The following EYS variants were observed in gnomAD, a reference collection of about 807,000 sequenced individuals.
EYS encodes EGF-like photoreceptor maintenance factor, also known as protein eyes shut homolog.
In EYS, 250 loss-of-function variants were observed where a neutral mutation model predicts 282.1. The ratio of observed to expected loss-of-function variants is 0.89; its 90% CI spans 0.80 to 0.98. The LOEUF is 0.98. Among genes scored for constraint, EYS ranks in the 50% least tolerant of loss-of-function variants. EYS has a pLI of 0.00. For missense variants in EYS, 4,016 were observed against 3,709.0 expected (o/e 1.08, Z -2.15); for synonymous variants, 1,355 against 1,282.9 (o/e 1.06, Z -1.20).
At chr6:63,929,996 A>G (rs1230130441) in intron 35 of EYS, among the ~76,000 whole-genome samples, 2 of 152,118 alleles carry the variant, frequency 1.3e-5, no homozygotes, top group African/African-American at 4.8e-5. Context: ...TATTTACTCA[A>G]TATCTCTTGA....
intron 41 of EYS, among the ~76,000 whole-genome samples, chr6:63,739,408 G>T (rs998289584): frequency 1.3e-5 from 2 of 152,084 alleles, no homozygotes; most frequent in African/African-American, 4.8e-5. Context: ...AAGTGGCCAG[G>T]TCTTTGGAGC....
chr6:64,995,443 T>C (rs1316596687), intron 14 of EYS, among the ~76,000 whole-genome samples: 1 of 152,120 alleles, frequency 6.6e-6, no homozygotes, highest in African/African-American at 2.4e-5. Context: ...TCTTATACAT[T>C]ATCAAACCTG....
chr6:64,204,401 A>C (rs1458004270), intron 31 of EYS, among the ~76,000 whole-genome samples: 1 of 152,172 alleles, frequency 6.6e-6, no homozygotes, highest in Non-Finnish European at 1.5e-5. Flanking sequence ...TCCCCAAAAG[A>C]CTTTTCCAGA....
chr6:64,262,360 G>A (rs935567521), intron 30 of EYS, among the ~76,000 whole-genome samples: 2 of 150,870 alleles, frequency 1.3e-5, no homozygotes, highest in East Asian at 1.9e-4. Context: ...ATTATTTTTT[G>A]TAATTTGCAA....
At chr6:64,483,316 T>A (rs1776490833) in intron 26 of EYS, among the ~76,000 whole-genome samples, 1 of 151,698 alleles carries the variant, frequency 6.6e-6, no homozygotes, top group South Asian at 2.1e-4. Context: ...AGTAAAACAC[T>A]TAAACCCTAT....
At chr6:65,260,094 G>A (rs1199339758) in intron 12 of EYS, among the ~76,000 whole-genome samples, 1 of 152,064 alleles carries the variant, frequency 6.6e-6, no homozygotes, top group Non-Finnish European at 1.5e-5. Flanking sequence ...AATCTTGGTG[G>A]AAGGCGAAGG....
At chr6:64,731,324 C>T (rs937573987) in intron 22 of EYS, among the ~76,000 whole-genome samples, 30 of 151,726 alleles carry the variant, frequency 2.0e-4, no homozygotes, top group African/African-American at 7.3e-4. Context: ...AAAACAAAAC[C>T]AAAAACAAAC....
At chr6:63,810,828 T>C (rs1771028776) in intron 36 of EYS, among the ~76,000 whole-genome samples, 1 of 152,198 alleles carries the variant, frequency 6.6e-6, no homozygotes, top group South Asian at 2.1e-4. Flanking sequence ...TCCTCAAACA[T>C]CTAATATTTA....
At chr6:65,667,217 A>G (rs1437979147) in intron 1 of EYS, among the ~76,000 whole-genome samples, 2 of 151,818 alleles carry the variant, frequency 1.3e-5, no homozygotes, top group African/African-American at 4.8e-5. Flanking sequence ...ATTTTTGTAA[A>G]ACATGAAACT....
intron 12 of EYS, among the ~76,000 whole-genome samples, chr6:65,083,086 T>C (rs532831541): frequency 6.6e-6 from 1 of 152,030 alleles, no homozygotes; most frequent in African/African-American, 2.4e-5. Flanking sequence ...TTGTTTAGAG[T>C]AGTTTCCCTC....
chr6:65,186,795 T>A (rs570156129), intron 12 of EYS, among the ~76,000 whole-genome samples: 1 of 151,868 alleles, frequency 6.6e-6, no homozygotes, highest in African/African-American at 2.4e-5. Context: ...TGAAGACATT[T>A]AAATGGAAGT....
intron 26 of EYS, among the ~76,000 whole-genome samples, chr6:64,535,903 T>C (rs951372326): frequency 6.6e-6 from 1 of 152,170 alleles, no homozygotes; most frequent in African/African-American, 2.4e-5. Flanking sequence ...AGAACATTGA[T>C]ATAAAATATC....
chr6:63,776,625 T>G (rs1406020924), intron 40 of EYS, among the ~76,000 whole-genome samples: 1 of 152,208 alleles, frequency 6.6e-6, no homozygotes, highest in Non-Finnish European at 1.5e-5. Flanking sequence ...TCAATAAAAT[T>G]TCTATATTAA....
At chr6:64,630,909 C>G (rs1202003500) in intron 22 of EYS, among the ~76,000 whole-genome samples, 1 of 152,156 alleles carries the variant, frequency 6.6e-6, no homozygotes, top group African/African-American at 2.4e-5. Flanking sequence ...AATTGTGCTA[C>G]TTATATTGGT....
chr6:65,496,027 C>T (rs555039683), intron 2 of EYS, 34 bp from the exon 3 acceptor site: 2 of 152,362 alleles, frequency 1.3e-5, no homozygotes, highest in Non-Finnish European at 2.9e-5. Flanking sequence ...ACCATTTAAA[C>T]ATATTTTTCA....
At chr6:64,391,992 C>A (rs1300258103) in intron 28 of EYS, among the ~76,000 whole-genome samples, 4 of 151,710 alleles carry the variant, frequency 2.6e-5, no homozygotes, top group African/African-American at 9.7e-5. Flanking sequence ...TCTGATAAAA[C>A]AGACTTTAAA....
intron 36 of EYS, among the ~76,000 whole-genome samples, chr6:63,833,182 C>T (rs754312512): frequency 7.9e-5 from 12 of 152,126 alleles, no homozygotes; most frequent in Non-Finnish European, 1.6e-4. Flanking sequence ...TCTCTCACCA[C>T]TCCTATTCAA....
chr6:64,552,946 A>G (rs1371500880), intron 26 of EYS, among the ~76,000 whole-genome samples: 2 of 140,018 alleles, frequency 1.4e-5, no homozygotes, highest in Non-Finnish European at 1.6e-5. Flanking sequence ...CAAAAAAAGA[A>G]AAAGAAAATC....
chr6:64,839,774 G>T (rs977739978), intron 19 of EYS, among the ~76,000 whole-genome samples: 1 of 151,970 alleles, frequency 6.6e-6, no homozygotes, highest in African/African-American at 2.4e-5. Flanking sequence ...TCCTAGAGGG[G>T]AGGAACCCTG....
Sources: allele counts gnomAD v4.1 joint callset (sites outside exome capture counted in the v4.1 genomes callset), GRCh38; gene constraint gnomAD v4.1.1; transcripts MANE v1.5; gene names NCBI Gene and HGNC (gene_info 2026-07-23, HGNC 2026-07-21).